MARCHF10: variants seen among roughly 807,000 people sequenced by gnomAD.
The protein encoded by MARCHF10 is probable E3 ubiquitin-protein ligase MARCHF10.
A neutral mutation model predicts 76.2 loss-of-function variants in MARCHF10; 64 were observed. The ratio of observed to expected loss-of-function variants is 0.84; its 90% confidence interval spans 0.69 to 1.03. The LOEUF (loss-of-function observed/expected upper bound fraction) is 1.03. MARCHF10 is among the 50% of genes least tolerant of loss of function. MARCHF10 has a pLI of 0.00. For synonymous variants in MARCHF10, 340 were observed against 357.5 expected (o/e 0.95, Z 0.55); for missense variants, 875 against 958.0 (o/e 0.91, Z 1.14).
At chr17:62,796,944 G>T (rs2092995339) in intron 2 of MARCHF10, among the ~76,000 whole-genome samples, 1 of 152,066 alleles carries the variant, frequency 6.6e-6, no homozygotes, top group Non-Finnish European at 1.5e-5. Flanking sequence ...AGTCAGTTGT[G>T]ACTGCACCAC....
intron 5 of MARCHF10, among the ~76,000 whole-genome samples, chr17:62,741,903 T>G (rs2091522802): frequency 6.6e-6 from 1 of 152,092 alleles, no homozygotes; most frequent in Non-Finnish European, 1.5e-5. Flanking sequence ...TTTCACCATG[T>G]TAGCCAGGAT....
intron 2 of MARCHF10, among the ~76,000 whole-genome samples, chr17:62,791,503 A>G (rs1268567653): frequency 6.6e-6 from 1 of 152,196 alleles, no homozygotes; most frequent in African/African-American, 2.4e-5. Context: ...CCAAAAGGGG[A>G]GGAAGAATAG....
chr17:62,773,809 A>C (rs2092493524), intron 3 of MARCHF10, among the ~76,000 whole-genome samples: 1 of 152,214 alleles, frequency 6.6e-6, no homozygotes, highest in Non-Finnish European at 1.5e-5. Context: ...GACAGCGTTG[A>C]CCAAAGAAGC....
At chr17:62,720,872 T>A (rs1435914793) in intron 8 of MARCHF10, among the ~76,000 whole-genome samples, 1 of 146,044 alleles carries the variant, frequency 6.8e-6, no homozygotes, top group African/African-American at 2.6e-5. Flanking sequence ...TTTTTTTTTT[T>A]TTTTTTTTTT....
At position 62,736,237 on chromosome 17, in the gene MARCHF10, G is replaced by A; in HGVS notation, c.1631C>T (p.Ala544Val). The change falls in exon 6 of 11, where the codon GCA (alanine) becomes GTA (valine). Residue 544 changes from alanine to valine, a missense_variant. Transcript: ENST00000311269. ...NSAHEFAVRE[A>V]EDTTLTSQPQ... ...CTGGCTTGTTAAAGTAGTATCTTCT[G>A]CTTCCCTGACAGCAAATTCGTGTGC... 6.2e-7 allele frequency: 1 copy of A among 1,614,168 alleles called. No homozygotes were observed. The highest frequency in any genetic ancestry group is 8.5e-7 in the Non-Finnish European group (1 of 1,180,036).
At position 62,736,387 on chromosome 17, in the gene MARCHF10, G is replaced by A. The variant is rs1281258243; in HGVS notation, c.1481C>T (p.Thr494Ile). 6.2e-7 allele frequency: 1 copy of A among 1,614,084 alleles called. No homozygotes were observed. Among genetic ancestry groups the A allele is most frequent in the African/African-American group, 1.3e-5 (1 of 74,938 alleles). Residue 494 changes from threonine (T) to isoleucine (I), a missense_variant, in exon 6 of 11, where the codon ACT becomes ATT. Transcript: ENST00000311269. ...DIPVDLSMSS[T>I]SVHSSDSEGN... ...CTCTGAGTCTGAGCTGTGAACTGAAGTCGATGACATTGACAAGTCTACTGG... is the reference window on the plus strand; with the variant it reads ...CTCTGAGTCTGAGCTGTGAACTGAAATCGATGACATTGACAAGTCTACTGG...
At chr17:62,752,372 A>AGCCAGTGCTCTT in intron 4 of MARCHF10, among the ~76,000 whole-genome samples, 1 of 152,144 alleles carries the variant, frequency 6.6e-6, no homozygotes, top group South Asian at 2.1e-4. Context: ...TGGGCAGGAG[A>AGCCAGTGCTCTT]CCTGGGTCCC....
At chr17:62,733,817 C>T (rs1568127876) in intron 6 of MARCHF10, among the ~76,000 whole-genome samples, 2 of 152,170 alleles carry the variant, frequency 1.3e-5, no homozygotes, top group Non-Finnish European at 2.9e-5. Flanking sequence ...AAAAGCAAGT[C>T]ACAGAAGACT....
chr17:62,788,880 GGTGAAACCCC>G (rs371918683), intron 2 of MARCHF10, among the ~76,000 whole-genome samples: 1,867 of 151,404 alleles, frequency 0.012, 20 homozygotes, highest in Middle Eastern at 0.041. Context: ...TGGCTAACAA[GGTGAAACCCC>G]GTCTCTACTA....
chr17:62,701,748 C>T lies in MARCHF10; in HGVS notation c.2382G>A (p.Leu794=). 1 of 1,614,130 alleles carries T rather than the reference C, an allele frequency of 6.2e-7. No individual in the cohort carries two copies. The highest frequency in any genetic ancestry group is 1.1e-5 in the South Asian group (1 of 91,082). Residue 794 remains leucine (L), a synonymous_variant, in exon 11 of 11, where the codon TTG becomes TTA. Transcript: ENST00000311269. The part of the protein sequence containing the change: ...PRTEENENSE[L]GDGNEGSISQ... ...AAATGCTGCCTTCATTTCCATCTCC[C>T]AACTCCGAATCTGGAAGGCAAGAAG...
rs149819153 is a variant in MARCHF10, at chr17:62,769,287, T to C, written c.211-9281A>G. 5.6e-4 allele frequency among the ~76,000 whole-genome samples: 85 copies of C among 152,362 alleles called. 1 individual carries two copies. The highest frequency in any genetic ancestry group is 2.0e-3 in the African/African-American group (82 of 41,576). ...GCAGGTAATCAGTGGGATGGTTCTT[T>C]GGCACTGATTGAATAGCCTGTCCCT... On this transcript the variant is annotated intron_variant, in intron 3 of 10. Coordinates refer to ENST00000311269, the MANE Select transcript of MARCHF10 (RefSeq NM_152598.4).
Position 62,744,398 on chromosome 17 carries a change from C to T in MARCHF10, c.513G>A (p.Lys171=), listed in dbSNP as rs890559482. 1 of 1,614,120 alleles carries T rather than the reference C, an allele frequency of 6.2e-7. No homozygotes were observed. Among genetic ancestry groups the T allele is most frequent in the South Asian group, 1.1e-5 (1 of 91,036 alleles). ...RSRQKQQWPA[K]VPVPRGADQV... Reference sequence around the variant, plus strand: ...TACCTGCTCCCCTGGGAACCGGCACCTTTGCAGGCCACTGCTGTTTCTGTC... The same window carrying T: ...TACCTGCTCCCCTGGGAACCGGCACTTTTGCAGGCCACTGCTGTTTCTGTC... The change falls in exon 5 of 11, where the codon AAG becomes AAA. Residue 171 remains lysine, a synonymous_variant. Coordinates refer to ENST00000311269, the MANE Select transcript of MARCHF10 (RefSeq NM_152598.4).
chr17:62,749,822 G>A (rs73335759), intron 4 of MARCHF10, among the ~76,000 whole-genome samples: 7,761 of 152,246 alleles, frequency 0.051, 631 homozygotes, highest in African/African-American at 0.17. Flanking sequence ...CCTTCAGAAC[G>A]GCCTGCCCCC....
intron 9 of MARCHF10, among the ~76,000 whole-genome samples, chr17:62,707,278 C>T (rs1400730685): frequency 1.3e-5 from 2 of 152,220 alleles, no homozygotes; most frequent in Non-Finnish European, 2.9e-5. Context: ...CCTGCCTGCA[C>T]CTTAGGCTCA....
intron 10 of MARCHF10, among the ~76,000 whole-genome samples, chr17:62,702,179 G>A (rs117010128): frequency 0.021 from 3,253 of 151,980 alleles, 39 homozygotes; most frequent in Middle Eastern, 0.058. Flanking sequence ...TGGATGCAGA[G>A]GGACAAGTGA....
Position 62,711,432 on chromosome 17 carries a change from G to T in MARCHF10, c.2215-88C>A. 1 of 1,256,814 alleles carries T rather than the reference G, an allele frequency of 8.0e-7. No individual in the cohort carries two copies. The highest frequency in any genetic ancestry group is 1.1e-6 in the Non-Finnish European group (1 of 881,360). 77.9% of individuals were successfully genotyped at this position (1,256,814 alleles called of 1,614,324 possible). ...ATGCAGGGTAACAAGGCTAAGAGGT[G>T]ACAAGAACTGGGAGAAGAGCCCAAG... is the stretch of plus-strand genomic sequence containing the variant. On this transcript the variant is annotated intron_variant, in intron 8 of 10. Coordinates refer to ENST00000311269, the MANE Select transcript of MARCHF10 (RefSeq NM_152598.4). The surrounding 1 kb of genome is among the most constrained non-coding windows in gnomAD (Gnocchi z 4.4).
chr17:62,713,273 G>A (rs1457627615), intron 8 of MARCHF10, among the ~76,000 whole-genome samples: 3 of 152,188 alleles, frequency 2.0e-5, no homozygotes, highest in African/African-American at 7.2e-5. Context: ...TTATGCTTGA[G>A]ACACCGGGAT....
chr17:62,719,160 T>A (rs962851183), intron 8 of MARCHF10, among the ~76,000 whole-genome samples: 1 of 152,200 alleles, frequency 6.6e-6, no homozygotes, highest in African/African-American at 2.4e-5. Context: ...TCCAATAGAA[T>A]ACACTCAGAG....
chr17:62,777,306 C>T (rs2092569818), intron 3 of MARCHF10, among the ~76,000 whole-genome samples: 1 of 152,218 alleles, frequency 6.6e-6, no homozygotes, highest in African/African-American at 2.4e-5. Context: ...AACAATGTGC[C>T]ATGTCAGTTT....
Sources: gnomAD v4.1 joint callset for allele counts (sites outside exome capture counted in the v4.1 genomes callset) on GRCh38, gnomAD v4.1.1 for gene constraint, Gnocchi (gnomAD v3.1) non-coding constraint, MANE v1.5 for transcripts, NCBI Gene and HGNC (gene_info 2026-07-23, HGNC 2026-07-21) for gene names.